NFIB: variants seen among roughly 807,000 people sequenced by gnomAD.
The protein encoded by NFIB is nuclear factor 1 B-type.
NFIB carries 11 observed loss-of-function variants against 61.5 expected under a neutral mutation model. The observed-to-expected ratio is 0.18, with a 90% CI of 0.11 to 0.30. NFIB has a LOEUF of 0.30. NFIB is among the 10% of genes least tolerant of loss of function. The probability of loss-of-function intolerance (pLI) is 1.00; values close to 1 mark genes in which losing one functional copy is unlikely to be tolerated. For synonymous variants in NFIB, 260 were observed against 216.5 expected, an observed-to-expected ratio of 1.20 and a Z score of -1.76; for missense variants, 471 against 608.9, an observed-to-expected ratio of 0.77 and a Z score of 2.38.
chr9:14,461,778 A>C, the NFIB span, among the ~76,000 whole-genome samples: 8 of 152,246 alleles, frequency 5.3e-5, no homozygotes, highest in Non-Finnish European at 1.2e-4. Flanking sequence ...TAAGTTGTGG[A>C]AACTTTGCCT....
At chr9:14,109,538 GAA>G (rs1035890969) in intron 10 of NFIB, among the ~76,000 whole-genome samples, 4 of 152,012 alleles carry the variant, frequency 2.6e-5, no homozygotes, top group African/African-American at 9.7e-5. Context: ...TCTTCCAATA[GAA>G]AAGTTAAAGA....
chr9:14,219,653 T>C (rs2051400994), intron 2 of NFIB, among the ~76,000 whole-genome samples: 1 of 152,156 alleles, frequency 6.6e-6, no homozygotes, highest in African/African-American at 2.4e-5. Flanking sequence ...TTTGTTTCTT[T>C]TACTAAATGG....
chr9:14,223,517 T>C (rs528350811), intron 2 of NFIB, among the ~76,000 whole-genome samples: 31 of 152,302 alleles, frequency 2.0e-4, no homozygotes, highest in African/African-American at 6.7e-4. Flanking sequence ...CATTTGTCTA[T>C]AAAAATGTAG....
chr9:14,187,098 C>G (rs2047458506), intron 2 of NFIB, among the ~76,000 whole-genome samples: 1 of 150,694 alleles, frequency 6.6e-6, no homozygotes, highest in Non-Finnish European at 1.5e-5. Context: ...TATCTCCTGT[C>G]TCTCTCTGCT....
chr9:14,125,709 G>C lies in NFIB; in HGVS notation c.983C>G (p.Ser328Cys). 6.2e-7 allele frequency: 1 copy of C among 1,614,184 alleles called. No individual in the cohort carries two copies. The highest frequency in any genetic ancestry group is 1.1e-5 in the South Asian group (1 of 91,086). The change falls in exon 7 of 11, where the codon TCT (serine) becomes TGT (cysteine). Residue 328 changes from serine to cysteine, a missense_variant. Physicochemically the swap from Ser to Cys is moderately radical, Grantham distance 112. Around this residue, in one of 2 missense-constraint regions of NFIB, gnomAD observed 372 missense variants for 395.6 expected, o/e 0.94. Coordinates refer to ENST00000380953, the MANE Select transcript of NFIB (RefSeq NM_001190737.2). ...CAGTCTTGGGGAAGAATCCTGTGGA[G>C]ATGCAGAGCTGAACAATGGCTTTTC... ...KPEKPLFSSA[S>C]PQDSSPRLST...
intron 2 of NFIB, among the ~76,000 whole-genome samples, chr9:14,248,787 G>A (rs929363901): frequency 1.3e-5 from 2 of 152,178 alleles, no homozygotes; most frequent in Admixed American, 6.5e-5. Context: ...CGTCTGCAGG[G>A]ACTAGTGAGG....
chr9:14,310,590 C>T (rs1231178556), intron 1 of NFIB, among the ~76,000 whole-genome samples: 3 of 151,980 alleles, frequency 2.0e-5, no homozygotes, highest in Non-Finnish European at 4.4e-5. Context: ...AATATCCTAA[C>T]TAGTAGTGGA....
intron 10 of NFIB, among the ~76,000 whole-genome samples, chr9:14,089,204 C>T (rs935666919): frequency 3.3e-5 from 5 of 151,978 alleles, no homozygotes; most frequent in Non-Finnish European, 7.4e-5. Flanking sequence ...TCCTGCTCCT[C>T]CCCATCAGTA....
At chr9:14,353,690 C>T (rs1013947128) in intron 1 of NFIB, among the ~76,000 whole-genome samples, 9 of 152,078 alleles carry the variant, frequency 5.9e-5, no homozygotes, top group African/African-American at 1.7e-4. Flanking sequence ...TGCGAGCTGA[C>T]GTGGAGACCC....
intron 1 of NFIB, among the ~76,000 whole-genome samples, chr9:14,358,703 ACACCCTAGG>A: frequency 6.6e-6 from 1 of 152,268 alleles, no homozygotes; most frequent in Admixed American, 6.5e-5. Flanking sequence ...TGCTGACCTT[ACACCCTAGG>A]CTCTATGACT....
At chr9:14,345,492 C>G (rs1404844142) in intron 1 of NFIB, among the ~76,000 whole-genome samples, 1 of 152,112 alleles carries the variant, frequency 6.6e-6, no homozygotes, top group African/African-American at 2.4e-5. Context: ...ATCAAAGGGT[C>G]TGAGGCTATG....
intron 2 of NFIB, among the ~76,000 whole-genome samples, chr9:14,265,080 C>A (rs570296907): frequency 2.9e-4 from 44 of 152,264 alleles, no homozygotes; most frequent in African/African-American, 1.1e-3. Flanking sequence ...ACCTACTGGA[C>A]CCGAATTTAT....
chr9:14,288,757 T>C (rs1447463759), intron 2 of NFIB, among the ~76,000 whole-genome samples: 1 of 152,028 alleles, frequency 6.6e-6, no homozygotes, highest in Non-Finnish European at 1.5e-5. Context: ...CAAGTGACCA[T>C]GACCCTCTCA....
intron 5 of NFIB, among the ~76,000 whole-genome samples, chr9:14,147,255 C>G (rs2042367310): frequency 6.6e-6 from 1 of 152,086 alleles, no homozygotes; most frequent in South Asian, 2.1e-4. Context: ...GGGGTCAAGA[C>G]AGTCCTAGTA....
At chr9:14,425,607 A>ATTTTTTTTTTTTTTTTTT in the NFIB span, among the ~76,000 whole-genome samples, 1 of 99,052 alleles carries the variant, frequency 1.0e-5, no homozygotes, top group Non-Finnish European at 2.0e-5. Flanking sequence ...TTGCTACATA[A>ATTTTTTTTTTTTTTTTTT]TTTTTTTTTT....
intron 2 of NFIB, among the ~76,000 whole-genome samples, chr9:14,201,104 T>C (rs890111714): frequency 3.3e-5 from 5 of 152,212 alleles, no homozygotes; most frequent in African/African-American, 9.6e-5. Flanking sequence ...AAGTCCCTTA[T>C]TGAGCTTCAC....
At chr9:14,327,627 A>G (rs983716353) in intron 1 of NFIB, among the ~76,000 whole-genome samples, 2 of 152,230 alleles carry the variant, frequency 1.3e-5, no homozygotes, top group African/African-American at 4.8e-5. Context: ...AGAAAAGAGT[A>G]GCCTTCCCAT....
chr9:14,320,802 G>A (rs538136061), intron 1 of NFIB, among the ~76,000 whole-genome samples: 1 of 152,276 alleles, frequency 6.6e-6, no homozygotes, highest in African/African-American at 2.4e-5. Flanking sequence ...CTGTTCAAGT[G>A]TGGGATCAAA....
the NFIB span, among the ~76,000 whole-genome samples, chr9:14,479,199 G>C: frequency 2.0e-5 from 3 of 152,226 alleles, no homozygotes; most frequent in Non-Finnish European, 4.4e-5. Context: ...TAATCTTACA[G>C]ACAATCACTG....
Sources: allele counts gnomAD v4.1 joint callset (sites outside exome capture counted in the v4.1 genomes callset), GRCh38; gene constraint gnomAD v4.1.1; regional missense constraint gnomAD v4.1.1; transcripts MANE v1.5; gene names NCBI Gene and HGNC (gene_info 2026-07-23, HGNC 2026-07-21).